Variants in GPHN observed in about 807,000 individuals in gnomAD.
GPHN encodes gephyrin.
GPHN carries 17 observed loss-of-function variants against 95.5 expected under a neutral mutation model. The observed-to-expected ratio is 0.18, with a 90% CI of 0.12 to 0.27. The LOEUF (loss-of-function observed/expected upper bound fraction) is 0.27. Ranked by LOEUF, GPHN falls within the 10% of genes least tolerant of loss-of-function variation. The pLI, the probability that GPHN is intolerant of heterozygous loss-of-function variation, is 1.00. For synonymous variants in GPHN, 320 were observed against 322.5 expected, an observed-to-expected ratio of 0.99 and a Z score of 0.08; for missense variants, 660 against 978.1, an observed-to-expected ratio of 0.67 and a Z score of 4.34.
At chr14:67,152,718 G>A (rs924374314) in intron 18 of GPHN, among the ~76,000 whole-genome samples, 5 of 152,202 alleles carry the variant, frequency 3.3e-5, no homozygotes, top group African/African-American at 1.2e-4. Flanking sequence ...TGTAATCCCA[G>A]CACTTTGGTA....
At chr14:67,073,667 C>T (rs1042854654) in intron 11 of GPHN, among the ~76,000 whole-genome samples, 2 of 152,110 alleles carry the variant, frequency 1.3e-5, no homozygotes, top group African/African-American at 2.4e-5. Flanking sequence ...TTTTGTACCA[C>T]TAAATCATGG....
chr14:67,726,830 C>G, the GPHN span: 20 of 716,120 alleles, frequency 2.8e-5, no homozygotes, highest in Non-Finnish European at 4.2e-5. Context: ...TCCACAAACT[C>G]AGACCAAACT....
At chr14:67,240,923 A>T in the GPHN span, among the ~76,000 whole-genome samples, 1 of 152,242 alleles carries the variant, frequency 6.6e-6, no homozygotes, top group Non-Finnish European at 1.5e-5. Context: ...CAAATGTTAG[A>T]TTGGGTGACT....
At chr14:67,047,334 T>TTTGTGTGTGTGTGTG (rs2075075686) in intron 10 of GPHN, among the ~76,000 whole-genome samples, 9 of 109,704 alleles carry the variant, frequency 8.2e-5, no homozygotes, top group African/African-American at 3.0e-4. Flanking sequence ...GTGTGTGTGT[T>TTTGTGTGTGTGTGTG]TGTGTGTGTG....
chr14:66,832,292 G>A (rs1047821812), intron 4 of GPHN, among the ~76,000 whole-genome samples: 12 of 152,118 alleles, frequency 7.9e-5, no homozygotes, highest in Non-Finnish European at 1.8e-4. Context: ...CATGTAAAAG[G>A]ATCTAACATA....
chr14:67,139,575 A>G lies in GPHN; in HGVS notation c.1749-3787A>G, dbSNP rs1337522133. 3.3e-5 allele frequency among the ~76,000 whole-genome samples: 5 copies of G among 152,212 alleles called. 1 individual carries two copies. The highest frequency in any genetic ancestry group is 5.9e-5 in the Non-Finnish European group (4 of 68,048). On this transcript the variant is annotated intron_variant, in intron 17 of 22. Coordinates refer to ENST00000478722, the MANE Select transcript of GPHN (RefSeq NM_020806.5). ...TCCTGGCTCTGCCATTTACTGCTCT[A>G]TCTACACTTTGCCTCTCTGAATATA... is the stretch of plus-strand genomic sequence containing the variant.
chr14:67,426,561 G>A, the GPHN span, among the ~76,000 whole-genome samples: 1 of 152,112 alleles, frequency 6.6e-6, no homozygotes. Context: ...TGTGGATAAT[G>A]TCTATTTTTT....
At chr14:66,809,023 A>T (rs760621247) in intron 3 of GPHN, among the ~76,000 whole-genome samples, 2 of 152,172 alleles carry the variant, frequency 1.3e-5, no homozygotes, top group African/African-American at 4.8e-5. Context: ...ATTTGCAGGA[A>T]ATAAGAAGGT....
chr14:66,770,573 A>G (rs556996896), intron 2 of GPHN, among the ~76,000 whole-genome samples: 20 of 152,306 alleles, frequency 1.3e-4, no homozygotes, highest in African/African-American at 4.8e-4. Flanking sequence ...AATATGTTAT[A>G]TACACATATC....
chr14:67,589,696 T>C, the GPHN span: 5 of 996,046 alleles, frequency 5.0e-6, no homozygotes, highest in Middle Eastern at 5.1e-4. Context: ...AGGGGTACTA[T>C]TGGAAAATAT....
the GPHN span, among the ~76,000 whole-genome samples, chr14:67,311,148 T>G: frequency 2.2e-4 from 34 of 151,942 alleles, no homozygotes; most frequent in Non-Finnish European, 4.1e-4. Flanking sequence ...CTGTTTCTAC[T>G]AAACATACAA....
In GPHN at chr14:66,779,990, A is replaced by G. The variant is rs570519487; in HGVS notation, c.201+3469A>G. ...GATTAGAACCTGAACTCAAGCAGTG[A>G]CAATGAGGCTAGAGAAGAAAACAAG... On this transcript the variant is annotated intron_variant, in intron 3 of 22. Transcript: ENST00000478722. 3.9e-5 allele frequency among the ~76,000 whole-genome samples: 6 copies of G among 152,282 alleles called. No individual in the cohort carries two copies. In the East Asian group the frequency reaches 1.2e-3, roughly 29 times the overall value.
At chr14:67,091,869 A>G (rs1338677497) in intron 12 of GPHN, among the ~76,000 whole-genome samples, 1 of 151,860 alleles carries the variant, frequency 6.6e-6, no homozygotes, top group African/African-American at 2.4e-5. Context: ...AAAAAAATCT[A>G]AAATGGTATC....
chr14:67,303,767 CT>C, the GPHN span, among the ~76,000 whole-genome samples: 1 of 150,860 alleles, frequency 6.6e-6, no homozygotes. Context: ...AACTCTGCAC[CT>C]TTTTTTTTGG....
intron 13 of GPHN, among the ~76,000 whole-genome samples, chr14:67,109,800 C>T (rs779033518): frequency 1.1e-4 from 16 of 152,118 alleles, no homozygotes; most frequent in Non-Finnish European, 2.4e-4. Flanking sequence ...TACTTACAGA[C>T]TCTCAAATCA....
At chr14:67,390,604 G>C in the GPHN span, 1 of 1,175,952 alleles carries the variant, frequency 8.5e-7, no homozygotes, top group Non-Finnish European at 1.3e-6. Context: ...CATGCCAGGA[G>C]AGGAGTGTCT....
At chr14:66,563,122 A>G (rs768538350) in intron 1 of GPHN, among the ~76,000 whole-genome samples, 5 of 150,320 alleles carry the variant, frequency 3.3e-5, no homozygotes, top group Non-Finnish European at 7.4e-5. Context: ...TATATAATCT[A>G]TGAAGAACTT....
intron 4 of GPHN, among the ~76,000 whole-genome samples, chr14:66,847,497 G>A (rs963236656): frequency 6.8e-4 from 104 of 151,908 alleles, no homozygotes; most frequent in African/African-American, 2.2e-3. Flanking sequence ...GTGCTATAAC[G>A]TGTTTCCTTT....
intron 8 of GPHN, among the ~76,000 whole-genome samples, chr14:66,926,915 T>G (rs1417033211): frequency 6.6e-6 from 1 of 152,196 alleles, no homozygotes; most frequent in Non-Finnish European, 1.5e-5. Flanking sequence ...CCACTTCAAT[T>G]TCTTGCAAAA....
Sources: allele counts gnomAD v4.1 joint callset (sites outside exome capture counted in the v4.1 genomes callset), GRCh38; gene constraint gnomAD v4.1.1; transcripts MANE v1.5; gene names NCBI Gene and HGNC (gene_info 2026-07-23, HGNC 2026-07-21).